Variants in LRCH1 observed in about 807,000 individuals in gnomAD.
LRCH1 encodes the protein leucine-rich repeat and calponin homology domain-containing protein 1.
In LRCH1, 23 loss-of-function variants were observed where a neutral mutation model predicts 94.9. That is an observed-to-expected ratio of 0.24 (90% CI 0.17 to 0.34). LRCH1 has a LOEUF of 0.34. Ranked by LOEUF, LRCH1 falls within the 10% of genes least tolerant of loss-of-function variation. The pLI, the probability that LRCH1 is intolerant of heterozygous loss-of-function variation, is 1.00. For missense variants in LRCH1, 790 were observed against 945.9 expected (o/e 0.84, Z 2.16); for synonymous variants, 364 against 354.9 (o/e 1.03, Z -0.29).
intron 1 of LRCH1, among the ~76,000 whole-genome samples, chr13:46,556,266 A>T (rs1359366851): frequency 1.3e-5 from 2 of 152,220 alleles, no homozygotes; most frequent in Non-Finnish European, 2.9e-5. Context: ...GCAGAACTGC[A>T]CCTGGGCAAT....
intron 2 of LRCH1, among the ~76,000 whole-genome samples, 195 bp from the exon 3 acceptor site, chr13:46,668,835 A>T (rs868437446): frequency 0.019 from 533 of 27,632 alleles, 5 homozygotes; most frequent in African/African-American, 0.032. Context: ...ATTTTTTTTT[A>T]AAAAAAGAAA....
intron 1 of LRCH1, among the ~76,000 whole-genome samples, chr13:46,595,777 C>T (rs929082265): frequency 1.3e-5 from 2 of 151,620 alleles, no homozygotes; most frequent in South Asian, 2.1e-4. Flanking sequence ...AGGCCTTAGG[C>T]ACATACTGGT....
At chr13:46,655,295 A>C (rs1353540375) in intron 2 of LRCH1, among the ~76,000 whole-genome samples, 1 of 152,256 alleles carries the variant, frequency 6.6e-6, no homozygotes, top group Non-Finnish European at 1.5e-5. Flanking sequence ...TAATTAGCAC[A>C]TGAAAAAAAT....
At chr13:46,740,761 A>G (rs17068766) in intron 19 of LRCH1, among the ~76,000 whole-genome samples, 16,025 of 152,204 alleles carry the variant, frequency 0.11, 1,610 homozygotes, top group African/African-American at 0.26. Flanking sequence ...GGAATTCAGC[A>G]TGTGAGACAA....
chr13:46,622,576 AAACTAGTACCACTATTTTAGTAC>A (rs1404926884), intron 1 of LRCH1, among the ~76,000 whole-genome samples: 31 of 152,344 alleles, frequency 2.0e-4, no homozygotes, highest in African/African-American at 7.5e-4. Flanking sequence ...GTTTAGTCCT[AAACTAGTACCACTATTTTAGTAC>A]AACTAGTACC....
At chr13:46,617,030 A>G (rs901042890) in intron 1 of LRCH1, among the ~76,000 whole-genome samples, 1 of 151,558 alleles carries the variant, frequency 6.6e-6, no homozygotes, top group African/African-American at 2.4e-5. Context: ...AGTTAAGGCT[A>G]TTTTTACTTC....
chr13:46,680,831 C>T (rs531962140), intron 3 of LRCH1, among the ~76,000 whole-genome samples: 2 of 152,276 alleles, frequency 1.3e-5, no homozygotes, highest in African/African-American at 4.8e-5. Flanking sequence ...GCACTCTGGC[C>T]GCTCTGTGAA....
chr13:46,705,560 A>G, intron 13 of LRCH1: 1 of 620,814 alleles, frequency 1.6e-6, no homozygotes, highest in Non-Finnish European at 2.9e-6. Context: ...TTTACCTCAG[A>G]TCATCTTGCT....
intron 2 of LRCH1, among the ~76,000 whole-genome samples, chr13:46,655,173 C>T (rs769039321): frequency 1.1e-4 from 17 of 152,064 alleles, no homozygotes; most frequent in African/African-American, 4.1e-4. Flanking sequence ...ATGATGGTGG[C>T]GGTGGTGGTG....
In LRCH1 at chr13:46,626,917, A is replaced by T. The variant is rs376429895; in HGVS notation, c.308-23284A>T. 3.1e-4 allele frequency among the ~76,000 whole-genome samples: 47 copies of T among 152,344 alleles called. 1 individual carries two copies. The South Asian group carries it at 9.5e-3, about 31-fold the overall frequency. ...TATCCTGACTTCCTGTTTTATTATA[A>T]ATGAGATGAACACCAGGTAGTGTTA... On this transcript the variant is annotated intron_variant, in intron 1 of 19. Transcript: ENST00000389797.
intron 2 of LRCH1, among the ~76,000 whole-genome samples, chr13:46,656,576 T>C (rs768034294): frequency 1.3e-5 from 2 of 152,234 alleles, no homozygotes; most frequent in Non-Finnish European, 2.9e-5. Flanking sequence ...CACAGTGAAC[T>C]GAACTGGAGT....
chr13:46,749,261 T>C (rs1874029514), downstream of LRCH1, among the ~76,000 whole-genome samples: 1 of 152,158 alleles, frequency 6.6e-6, no homozygotes, highest in South Asian at 2.1e-4. Flanking sequence ...TAGACGATAT[T>C]ATGCTAAGTA....
intron 1 of LRCH1, among the ~76,000 whole-genome samples, chr13:46,557,418 A>G (rs1201637592): frequency 6.6e-6 from 1 of 150,864 alleles, no homozygotes; most frequent in Non-Finnish European, 1.5e-5. Context: ...TAAGCAGGAA[A>G]GACTATGGGC....
intron 16 of LRCH1, among the ~76,000 whole-genome samples, chr13:46,721,627 G>A (rs1872585072): frequency 6.6e-6 from 1 of 152,008 alleles, no homozygotes. Context: ...TTGGTTCTAC[G>A]TCCTGTGAGG....
At chr13:46,665,241 A>T (rs1289437771) in intron 2 of LRCH1, among the ~76,000 whole-genome samples, 2 of 152,194 alleles carry the variant, frequency 1.3e-5, no homozygotes, top group Non-Finnish European at 2.9e-5. Context: ...TAACCTTTTG[A>T]TAAACCAATA....
intron 7 of LRCH1, among the ~76,000 whole-genome samples, chr13:46,690,306 G>A (rs901654648): frequency 1.3e-5 from 2 of 152,130 alleles, no homozygotes; most frequent in Admixed American, 6.5e-5. Context: ...ATAGTTTACC[G>A]TGCTTCAGTG....
At chr13:46,745,638 C>G (rs1045765214), downstream of LRCH1, among the ~76,000 whole-genome samples, 3 of 152,122 alleles carry the variant, frequency 2.0e-5, no homozygotes, top group African/African-American at 2.4e-5. Flanking sequence ...TGAATGGTCT[C>G]CATTTCACAT....
chr13:46,733,878 C>G (rs760465550), intron 18 of LRCH1, 43 bp from the exon 19 acceptor site: 10 of 1,218,468 alleles, frequency 8.2e-6, no homozygotes, highest in Non-Finnish European at 1.2e-5. Flanking sequence ...AAAATGGTTT[C>G]TCTTTTAAAT....
chr13:46,728,482 C>T (rs1162197931), intron 17 of LRCH1, among the ~76,000 whole-genome samples: 3 of 152,180 alleles, frequency 2.0e-5, no homozygotes, highest in Non-Finnish European at 2.9e-5. Context: ...TCCCAAAGTG[C>T]TGGGATTACA....
Sources: allele counts gnomAD v4.1 joint callset (sites outside exome capture counted in the v4.1 genomes callset), GRCh38; gene constraint gnomAD v4.1.1; transcripts MANE v1.5; gene names NCBI Gene and HGNC (gene_info 2026-07-23, HGNC 2026-07-21).